Variants in PTPRN2 observed in about 807,000 individuals in gnomAD.
PTPRN2 encodes the protein protein tyrosine phosphatase receptor type N2.
In PTPRN2, 74 loss-of-function variants were observed where a neutral mutation model predicts 118.8. The ratio of observed to expected loss-of-function variants is 0.62; its 90% CI spans 0.52 to 0.76. PTPRN2 has a LOEUF of 0.76. Ranked by LOEUF, PTPRN2 falls within the 30% of genes least tolerant of loss-of-function variation. The pLI is 0.00. For synonymous variants in PTPRN2, 641 were observed against 608.0 expected, an observed-to-expected ratio of 1.05 and a Z score of -0.80; for missense variants, 1,481 against 1,394.4, an observed-to-expected ratio of 1.06 and a Z score of -0.99.
chr7:158,457,743 T>C, intron 2 of PTPRN2, among the ~76,000 whole-genome samples: 1 of 136,540 alleles, frequency 7.3e-6, no homozygotes, highest in South Asian at 2.6e-4. Context: ...TTAGCAAAGG[T>C]GCTACCTCGG....
chr7:157,564,135 A>AG (rs985713071), intron 21 of PTPRN2, among the ~76,000 whole-genome samples: 1 of 151,348 alleles, frequency 6.6e-6, no homozygotes, highest in African/African-American at 2.4e-5. Context: ...CACAAGAAAA[A>AG]AAAATATATT....
rs1368850846 is a variant in PTPRN2, at chr7:157,658,513, G to A, written c.2002-1962C>T. On this transcript the variant is annotated intron_variant, in intron 13 of 22. Transcript: ENST00000389418. Reference sequence around the variant, plus strand: ...CCAGGCAAAGCTCAACCACACACGCGGTGGGCATCCCGAGCACCTGCCCGG... The same window carrying A: ...CCAGGCAAAGCTCAACCACACACGCAGTGGGCATCCCGAGCACCTGCCCGG... Among the ~76,000 whole-genome samples the A allele has an allele frequency of 3.3e-5, 5 of 152,176 alleles. No homozygotes were observed. In the East Asian group the frequency reaches 7.7e-4, roughly 24 times the overall value.
intron 12 of PTPRN2, among the ~76,000 whole-genome samples, chr7:157,788,541 A>G (rs953671825): frequency 6.6e-6 from 1 of 152,174 alleles, no homozygotes; most frequent in Non-Finnish European, 1.5e-5. Flanking sequence ...GCAGTCCCCA[A>G]GCTCCAAAGA....
intron 1 of PTPRN2, among the ~76,000 whole-genome samples, chr7:158,543,211 C>A (rs531179138): frequency 1.3e-5 from 2 of 152,340 alleles, no homozygotes; most frequent in East Asian, 3.9e-4. Flanking sequence ...GACAGCACCC[C>A]CGAGCACGGA....
Position 158,007,756 on chromosome 7 carries a change from G to A in PTPRN2, c.1723+73542C>T, listed in dbSNP as rs896109257. Among the ~76,000 whole-genome samples, 9 of 151,982 alleles carry A rather than the reference G, an allele frequency of 5.9e-5. No individual in the cohort carries two copies. The South Asian group carries it at 1.9e-3, about 32-fold the overall frequency. On this transcript the variant is annotated intron_variant, in intron 11 of 22. Coordinates refer to ENST00000389418, the MANE Select transcript of PTPRN2 (RefSeq NM_002847.5). ...TGTGTGTGAGGGTGTGTGTGGCTGTGCTATGTGTGAGGGTGTGCTGTGTGT... is the reference window on the plus strand; with the variant it reads ...TGTGTGTGAGGGTGTGTGTGGCTGTACTATGTGTGAGGGTGTGCTGTGTGT...
intron 2 of PTPRN2, among the ~76,000 whole-genome samples, chr7:158,431,227 G>T (rs1816147252): frequency 6.6e-6 from 1 of 151,138 alleles, no homozygotes; most frequent in South Asian, 2.1e-4. Flanking sequence ...GCTTACACTG[G>T]GTATACACTG....
intron 12 of PTPRN2, among the ~76,000 whole-genome samples, chr7:157,826,165 C>T (rs979834610): frequency 6.6e-6 from 1 of 150,814 alleles, no homozygotes; most frequent in African/African-American, 2.4e-5. Context: ...ATCATCACAA[C>T]GAGCGCCATT....
chr7:157,650,285 A>C (rs1226466252), intron 14 of PTPRN2, among the ~76,000 whole-genome samples: 1 of 152,184 alleles, frequency 6.6e-6, no homozygotes, highest in Non-Finnish European at 1.5e-5. Flanking sequence ...CCATCAGGGC[A>C]GGGCACACCC....
chr7:158,100,993 C>A (rs1173149681), intron 10 of PTPRN2, among the ~76,000 whole-genome samples: 1 of 152,136 alleles, frequency 6.6e-6, no homozygotes, highest in Non-Finnish European at 1.5e-5. Flanking sequence ...AAAATACCAC[C>A]ATCATTCTTC....
At chr7:157,568,106 T>C (rs1185725163) in intron 21 of PTPRN2, among the ~76,000 whole-genome samples, 1 of 152,200 alleles carries the variant, frequency 6.6e-6, no homozygotes, top group African/African-American at 2.4e-5. Flanking sequence ...GAAAATTGGA[T>C]CCCAGAGAGG....
chr7:158,155,727 T>TCAC (rs1821740996), intron 6 of PTPRN2, among the ~76,000 whole-genome samples: 1 of 49,438 alleles, frequency 2.0e-5, no homozygotes, highest in South Asian at 6.1e-4. Context: ...ATCATCACCA[T>TCAC]CACCATCATC....
Position 157,910,650 on chromosome 7 carries a change from C to A in PTPRN2, c.1724-11913G>T, listed in dbSNP as rs144453499. ...TGATCGTTTGTATGCAAAGCAAACC[C>A]ATGCACAGCTGACTGTGTCAAAACA... On this transcript the variant is annotated intron_variant, in intron 11 of 22. Transcript: ENST00000389418. Among the ~76,000 whole-genome samples the A allele has an allele frequency of 3.9e-5, 6 of 152,342 alleles. No individual in the cohort carries two copies. The East Asian group carries it at 1.2e-3, about 29-fold the overall frequency.
chr7:158,524,507 C>T (rs1824618018), intron 1 of PTPRN2, among the ~76,000 whole-genome samples: 1 of 133,608 alleles, frequency 7.5e-6, no homozygotes, highest in Non-Finnish European at 1.5e-5. Context: ...GGAGTGGAGT[C>T]GTCTGCCCTG....
At chr7:157,991,738 G>A (rs1009332354) in intron 11 of PTPRN2, among the ~76,000 whole-genome samples, 1 of 152,218 alleles carries the variant, frequency 6.6e-6, no homozygotes, top group South Asian at 2.1e-4. Flanking sequence ...ACACACCCAA[G>A]GCTGGGGACC....
At chr7:157,996,310 G>A (rs1423338566) in intron 11 of PTPRN2, among the ~76,000 whole-genome samples, 3 of 152,180 alleles carry the variant, frequency 2.0e-5, no homozygotes, top group Non-Finnish European at 2.9e-5. Flanking sequence ...GTGAGAATTC[G>A]CCGCTCGGGC....
chr7:157,838,307 G>A (rs1808127029), intron 12 of PTPRN2, among the ~76,000 whole-genome samples: 1 of 150,804 alleles, frequency 6.6e-6, no homozygotes, highest in African/African-American at 2.5e-5. Context: ...TGGATGGCAT[G>A]GGAGAAAGCT....
intron 12 of PTPRN2, among the ~76,000 whole-genome samples, chr7:157,852,760 T>C (rs556028242): frequency 6.7e-6 from 1 of 148,874 alleles, no homozygotes; most frequent in South Asian, 2.1e-4. Context: ...TCCCAGCTAC[T>C]CGGGAGGCTG....
At chr7:158,171,342 T>TACAC (rs1823680725) in intron 5 of PTPRN2, among the ~76,000 whole-genome samples, 5 of 124,862 alleles carry the variant, frequency 4.0e-5, no homozygotes, top group Admixed American at 8.1e-5. Flanking sequence ...TATATATATA[T>TACAC]ATATATACAC....
rs116454328 is a variant in PTPRN2 at position 158,245,018 on chromosome 7, G to A, written c.278-39745C>T. Among the ~76,000 whole-genome samples, 269 of 152,318 alleles carry A rather than the reference G, an allele frequency of 1.8e-3. 1 individual carries two copies. Among genetic ancestry groups the A allele is most frequent in the African/African-American group, 6.0e-3 (250 of 41,582 alleles). ...TGGCTGTGTCATGTGGACAAGTGAC[G>A]TCGTCTTGAGGATGGCCTCGTGAGG... On this transcript the variant is annotated intron_variant, in intron 3 of 22. Coordinates refer to ENST00000389418, the MANE Select transcript of PTPRN2 (RefSeq NM_002847.5).
Sources: gnomAD v4.1 joint callset for allele counts (sites outside exome capture counted in the v4.1 genomes callset) on GRCh38, gnomAD v4.1.1 for gene constraint, MANE v1.5 for transcripts, NCBI Gene and HGNC (gene_info 2026-07-23, HGNC 2026-07-21) for gene names.